ADAM18: variants seen among roughly 807,000 people sequenced by gnomAD.
ADAM18 encodes the protein ADAM metallopeptidase domain 18.
Under a neutral mutation model 94.4 loss-of-function variants are expected in ADAM18, and 117 were observed. The observed-to-expected ratio is 1.24, with a 90% CI of 1.07 to 1.45. The LOEUF is 1.45. Among genes scored for constraint, ADAM18 ranks in the 40% most tolerant of loss-of-function variants. The pLI, the probability that ADAM18 is intolerant of heterozygous loss-of-function variation, is 0.00. For synonymous variants in ADAM18, 327 were observed against 291.6 expected (o/e 1.12, Z -1.24); for missense variants, 936 against 880.0 (o/e 1.06, Z -0.81).
chr8:39,635,528 TA>T (rs1383948244), intron 7 of ADAM18, among the ~76,000 whole-genome samples: 1 of 152,184 alleles, frequency 6.6e-6, no homozygotes, highest in Non-Finnish European at 1.5e-5. Flanking sequence ...ACTTCTTATA[TA>T]ATCATAATAT....
rs528218633 is a variant in ADAM18, at chr8:39,668,029, G to T, written c.1358G>T (p.Ser453Ile). ...ATAGCAGGCACTCCATGTAGAAAGA[G>T]TATTGATCCAGAGTGTGATTTTACA... ...LSIAGTPCRK[S>I]IDPECDFTEY... Residue 453 changes from serine to isoleucine, a missense_variant, in exon 14 of 20, where the codon AGT (serine) becomes ATT (isoleucine). Coordinates refer to ENST00000265707, the MANE Select transcript of ADAM18 (RefSeq NM_014237.3). 1.9e-6 allele frequency: 3 copies of T among 1,614,012 alleles called. No individual in the cohort carries two copies. The highest frequency in any genetic ancestry group is 2.7e-5 in the African/African-American group (2 of 75,018).
At chr8:39,698,152 G>T (rs1585991834) in intron 17 of ADAM18, among the ~76,000 whole-genome samples, 1 of 151,222 alleles carries the variant, frequency 6.6e-6, no homozygotes, top group Admixed American at 6.6e-5. Flanking sequence ...CTTCAATCTG[G>T]GTGTTTTAAA....
chr8:39,630,917 C>T (rs985173143), intron 7 of ADAM18, among the ~76,000 whole-genome samples: 6 of 151,836 alleles, frequency 4.0e-5, no homozygotes, highest in Non-Finnish European at 8.8e-5. Context: ...AAAATCTTAG[C>T]CATTTTAGTG....
chr8:39,705,280 C>T (rs1822209817), intron 17 of ADAM18, among the ~76,000 whole-genome samples: 1 of 152,038 alleles, frequency 6.6e-6, no homozygotes, highest in Non-Finnish European at 1.5e-5. Context: ...ACGTAATCTC[C>T]AAAATATCAC....
In ADAM18 at chr8:39,638,493, G is replaced by A; in HGVS notation, c.856G>A (p.Ala286Thr). The A allele has an allele frequency of 1.3e-6, 2 of 1,569,516 alleles. No homozygotes were observed. The highest frequency in any genetic ancestry group is 1.7e-6 in the Non-Finnish European group (2 of 1,156,344). Residue 286 changes from alanine (A) to threonine (T), a missense_variant, in exon 10 of 20, where the codon GCA becomes ACA. Transcript: ENST00000265707. ...VYRKHPKYVG[A>T]TFPGTVCNKS... The stretch of plus-strand genomic sequence containing the variant: ...CAGGAAACATCCTAAATATGTGGGA[G>A]CAACATTTCCTGGCACTGTATGCAA...
intron 17 of ADAM18, among the ~76,000 whole-genome samples, chr8:39,694,628 G>A (rs144617906): frequency 2.8e-4 from 43 of 151,454 alleles, no homozygotes; most frequent in African/African-American, 1.0e-3. Context: ...TCAGAGCAAC[G>A]TTTGGTTTAC....
chr8:39,619,205 A>G (rs1468570630), intron 6 of ADAM18, among the ~76,000 whole-genome samples: 1 of 152,218 alleles, frequency 6.6e-6, no homozygotes, highest in African/African-American at 2.4e-5. Flanking sequence ...AAAGATAGAC[A>G]CATATACAAT....
At position 39,677,516 on chromosome 8, in the gene ADAM18, A is replaced by G. The variant is rs774868676; in HGVS notation, c.1611A>G (p.Gln537=). The change falls in exon 15 of 20, where the codon CAA becomes CAG. Residue 537 remains glutamine, a synonymous_variant. Transcript: ENST00000265707. ...RSENCGFKNS[Q]PLPCERKDVL... is the part of the protein sequence containing the mutation. ...AAAACTGTGGTTTTAAAAATTCACA[A>G]CCATTACCTTGTGAACGGAAGTACG... is the stretch of plus-strand genomic sequence containing the variant. The G allele has an allele frequency of 2.5e-6, 4 of 1,606,104 alleles. No individual in the cohort carries two copies. In the Admixed American group the frequency reaches 5.2e-5, roughly 21 times the overall value.
chr8:39,594,803 T>G (rs937665612), intron 2 of ADAM18, among the ~76,000 whole-genome samples: 1 of 148,990 alleles, frequency 6.7e-6, no homozygotes, highest in African/African-American at 2.5e-5. Context: ...GTTTTTTTTT[T>G]TTTTTTTTTT....
At chr8:39,644,428 C>A (rs942454590) in intron 10 of ADAM18, among the ~76,000 whole-genome samples, 4 of 152,076 alleles carry the variant, frequency 2.6e-5, no homozygotes, top group East Asian at 3.9e-4. Context: ...GCTGGGACTG[C>A]AAGTGTGCAT....
intron 18 of ADAM18, among the ~76,000 whole-genome samples, chr8:39,710,823 T>C (rs1326108571): frequency 6.6e-6 from 1 of 152,078 alleles, no homozygotes; most frequent in African/African-American, 2.4e-5. Flanking sequence ...GAGCAGAAAA[T>C]AACTAGGAAT....
At chr8:39,592,067 T>C (rs906849596) in intron 2 of ADAM18, among the ~76,000 whole-genome samples, 3 of 152,176 alleles carry the variant, frequency 2.0e-5, no homozygotes, top group African/African-American at 7.2e-5. Context: ...TAGTAAACCA[T>C]ATTATAGTTA....
chr8:39,634,128 A>G (rs1259805526), intron 7 of ADAM18, among the ~76,000 whole-genome samples: 1 of 152,138 alleles, frequency 6.6e-6, no homozygotes, highest in Non-Finnish European at 1.5e-5. Context: ...AGATCCTTTC[A>G]TCACAGCCAG....
chr8:39,593,428 G>T (rs910050074), intron 2 of ADAM18, among the ~76,000 whole-genome samples: 1 of 152,018 alleles, frequency 6.6e-6, no homozygotes, highest in South Asian at 2.1e-4. Context: ...AAATAACCTC[G>T]AGTAGCCAAA....
intron 12 of ADAM18, among the ~76,000 whole-genome samples, chr8:39,655,103 A>G (rs1820650311): frequency 6.6e-6 from 1 of 151,986 alleles, no homozygotes; most frequent in Non-Finnish European, 1.5e-5. Context: ...AAAAAAACTT[A>G]GCCCAATTTC....
At chr8:39,586,780 CTATCTATCTATCTATCTATCTA>C (rs1292523568) in intron 2 of ADAM18, among the ~76,000 whole-genome samples, 2 of 127,122 alleles carry the variant, frequency 1.6e-5, no homozygotes, top group African/African-American at 5.3e-5. Context: ...ATCTATCTAT[CTATCTATCTATCTATCTATCTA>C]TATCTATCTA....
intron 2 of ADAM18, among the ~76,000 whole-genome samples, chr8:39,600,021 A>C (rs1585883334): frequency 6.6e-6 from 1 of 152,168 alleles, no homozygotes; most frequent in Admixed American, 6.5e-5. Flanking sequence ...GAGAGGATGC[A>C]TTCGATTATT....
At chr8:39,662,718 A>T (rs1156713453) in intron 12 of ADAM18, among the ~76,000 whole-genome samples, 1 of 152,132 alleles carries the variant, frequency 6.6e-6, no homozygotes, top group Non-Finnish European at 1.5e-5. Context: ...TCTGCCTCCC[A>T]GGTTTAAGCG....
In ADAM18 at chr8:39,655,652, G is replaced by A. The variant is rs537789827; in HGVS notation, c.1230+7125G>A. ...TGAATGTGATAAACTAGCCACCAAA[G>A]CAACAAAAAGAAAATGCATAATAGT... On this transcript the variant is annotated intron_variant, in intron 12 of 19. Transcript: ENST00000265707. 4.6e-5 allele frequency among the ~76,000 whole-genome samples: 7 copies of A among 151,968 alleles called. No homozygotes were observed. In the South Asian group the frequency reaches 6.2e-4, roughly 14 times the overall value.
Sources: allele counts gnomAD v4.1 joint callset (sites outside exome capture counted in the v4.1 genomes callset), GRCh38; gene constraint gnomAD v4.1.1; transcripts MANE v1.5; gene names NCBI Gene and HGNC (gene_info 2026-07-23, HGNC 2026-07-21).